Variants in SP1 observed in about 807,000 individuals in gnomAD.
The protein encoded by SP1 is Sp1 transcription factor, also known as transcription factor Sp1.
A neutral mutation model predicts 66.3 loss-of-function variants in SP1; 6 were observed. The ratio of observed to expected loss-of-function variants is 0.09; its 90% CI spans 0.05 to 0.18. The LOEUF is 0.18. Ranked by LOEUF, SP1 falls within the 10% of genes least tolerant of loss-of-function variation. The pLI is 1.00. For synonymous variants in SP1, 417 were observed against 360.8 expected (o/e 1.16, Z -1.77); for missense variants, 848 against 964.5 (o/e 0.88, Z 1.60).
intron 3 of SP1, among the ~76,000 whole-genome samples, chr12:53,392,281 A>G (rs1345089485): frequency 6.7e-6 from 1 of 150,214 alleles, no homozygotes; most frequent in African/African-American, 2.5e-5. Flanking sequence ...CCCAAGTTCA[A>G]GTGATTCTCC....
intron 1 of SP1, 137 bp from the exon 2 acceptor site, chr12:53,381,522 C>T (rs1347043464): frequency 4.2e-6 from 3 of 718,890 alleles, no homozygotes; most frequent in Admixed American, 3.2e-5. Context: ...CCTCTGCCCT[C>T]CAATCCATTT....
At chr12:53,399,007 C>G (rs923250385) in intron 3 of SP1, among the ~76,000 whole-genome samples, 1 of 152,176 alleles carries the variant, frequency 6.6e-6, no homozygotes, top group African/African-American at 2.4e-5. Flanking sequence ...TATGATCATA[C>G]TATCCACAGT....
At chr12:53,402,412 A>AG (rs1447379051) in intron 3 of SP1, among the ~76,000 whole-genome samples, 1 of 151,524 alleles carries the variant, frequency 6.6e-6, no homozygotes, top group East Asian at 2.0e-4. Flanking sequence ...TTAGTAGAGA[A>AG]GGGGTTTCAC....
At position 53,380,264 on chromosome 12, in the gene SP1, C is replaced by A; in HGVS notation, c.-28C>A. 6.3e-7 allele frequency: 1 copy of A among 1,586,654 alleles called. No individual in the cohort carries two copies. The highest frequency in any genetic ancestry group is 8.6e-7 in the Non-Finnish European group (1 of 1,158,126). ...CCCCCCAACCCCCCCGGACAGGACC[C>A]CCTTGAGCTTGTCCCTCAGCTGCCA... On this transcript the variant is annotated 5_prime_UTR_variant, in exon 1 of 6. Transcript: ENST00000327443.
chr12:53,394,550 C>T (rs1203354381), intron 3 of SP1, among the ~76,000 whole-genome samples: 5 of 144,066 alleles, frequency 3.5e-5, no homozygotes, highest in Admixed American at 2.1e-4. Context: ...TTACGGATAT[C>T]GGCCACTGTG....
chr12:53,384,080 C>A (rs528422814), intron 3 of SP1, among the ~76,000 whole-genome samples: 1 of 146,716 alleles, frequency 6.8e-6, no homozygotes, highest in Non-Finnish European at 1.5e-5. Context: ...CGCCATTCTC[C>A]TGCCTCAGCC....
intron 3 of SP1, among the ~76,000 whole-genome samples, chr12:53,402,943 A>G (rs1938640735): frequency 6.6e-6 from 1 of 151,468 alleles, no homozygotes; most frequent in Admixed American, 6.6e-5. Context: ...ACTGCACTCC[A>G]GCCTGGGCGA....
At chr12:53,386,532 G>C (rs1238607426) in intron 3 of SP1, among the ~76,000 whole-genome samples, 1 of 115,508 alleles carries the variant, frequency 8.7e-6, no homozygotes, top group African/African-American at 5.3e-5. Flanking sequence ...CTGTTGCCCA[G>C]GCTGTAGTGA....
intron 3 of SP1, among the ~76,000 whole-genome samples, chr12:53,399,420 G>T (rs1053795814): frequency 1.3e-5 from 2 of 149,344 alleles, no homozygotes; most frequent in Non-Finnish European, 3.0e-5. Context: ...TGCAAGCTCC[G>T]CCTCGCGAGT....
Position 53,385,101 on chromosome 12 carries a change from C to T in SP1, c.1675+1479C>T, listed in dbSNP as rs556728675. On this transcript the variant is annotated intron_variant, in intron 3 of 5. Transcript: ENST00000327443. ...CCTGAGGTCAGGAGTTCAAGACCAG[C>T]GTGGCCAGCATGGCGAAACCCCTTC... 2.4e-3 allele frequency among the ~76,000 whole-genome samples: 351 copies of T among 148,728 alleles called. 1 individual carries two copies. Among genetic ancestry groups the T allele is most frequent in the African/African-American group, 8.4e-3 (336 of 40,234 alleles).
rs1183681413 is a variant in SP1, at chr12:53,388,530, G to C, written c.1675+4908G>C. Among the ~76,000 whole-genome samples the C allele has an allele frequency of 3.9e-5, 6 of 152,252 alleles. No homozygotes were observed. The East Asian group carries it at 1.2e-3, about 29-fold the overall frequency. ...GTTGAGATTGTTTGCTTCATTAATA[G>C]GGGTTTTTGAAGATCCAAGTTTTCT... On this transcript the variant is annotated intron_variant, in intron 3 of 5. Transcript: ENST00000327443.
intron 3 of SP1, among the ~76,000 whole-genome samples, chr12:53,403,579 T>TA: frequency 6.6e-6 from 1 of 151,168 alleles, no homozygotes; most frequent in Non-Finnish European, 1.5e-5. Context: ...GATCTCAAAC[T>TA]CCTGGGCTCA....
intron 3 of SP1, among the ~76,000 whole-genome samples, chr12:53,397,850 G>C (rs1258790687): frequency 6.6e-6 from 1 of 151,990 alleles, no homozygotes; most frequent in Non-Finnish European, 1.5e-5. Context: ...CACTGCGCCC[G>C]ACCGTAGATA....
intron 3 of SP1, among the ~76,000 whole-genome samples, chr12:53,389,764 T>C (rs541000280): frequency 6.6e-6 from 1 of 152,304 alleles, no homozygotes; most frequent in Non-Finnish European, 1.5e-5. Flanking sequence ...CCTGAAACTC[T>C]TGCCGCAGGT....
intron 3 of SP1, among the ~76,000 whole-genome samples, chr12:53,396,889 A>T (rs745750478): frequency 6.6e-6 from 1 of 152,106 alleles, no homozygotes; most frequent in Non-Finnish European, 1.5e-5. Context: ...TTTGTCTCCC[A>T]GAGTGCTGGG....
At chr12:53,402,240 T>A (rs866511082) in intron 3 of SP1, among the ~76,000 whole-genome samples, 22 of 144,146 alleles carry the variant, frequency 1.5e-4, no homozygotes, top group African/African-American at 5.4e-4. Flanking sequence ...TTTTTTTTTT[T>A]AAGACGGAGT....
Position 53,382,800 on chromosome 12 carries a change from A to T in SP1, c.853A>T (p.Thr285Ser), listed in dbSNP as rs568225124. The change falls in exon 3 of 6, where the codon ACG (threonine) becomes TCG (serine). Residue 285 changes from threonine (T) to serine (S), a missense_variant. Physicochemically the swap from Thr to Ser is moderately conservative, Grantham distance 58 (BLOSUM62 1). Around this residue, in one of 7 missense-constraint regions of SP1, gnomAD observed 606 missense variants for 589.9 expected, o/e 1.03. Transcript: ENST00000327443. Reference sequence around the variant, plus strand: ...CTTGACTCCCAGCTCTCAGGCAGTCACGATCAGCAGCTCTGGGTCCCAGGA... The same window carrying T: ...CTTGACTCCCAGCTCTCAGGCAGTCTCGATCAGCAGCTCTGGGTCCCAGGA... ...ATLTPSSQAV[T>S]ISSSGSQESG... 2 of 1,614,180 alleles carry T rather than the reference A, an allele frequency of 1.2e-6. No homozygotes were observed. The highest frequency in any genetic ancestry group is 2.7e-5 in the African/African-American group (2 of 75,040).
Position 53,393,269 on chromosome 12 carries a change from T to G in SP1, c.1675+9647T>G, listed in dbSNP as rs543742451. On this transcript the variant is annotated intron_variant, in intron 3 of 5. Transcript: ENST00000327443. ...TTCGAAACCAACCTGGGCAACATAG[T>G]GAAACCCCCATCTCTTTTTTCTTTC... is the stretch of plus-strand genomic sequence containing the variant. Among the ~76,000 whole-genome samples, 4 of 152,258 alleles carry G rather than the reference T, an allele frequency of 2.6e-5. No homozygotes were observed. The South Asian group carries it at 8.3e-4, about 32-fold the overall frequency.
chr12:53,387,041 T>C (rs1183973763), intron 3 of SP1, among the ~76,000 whole-genome samples: 2 of 150,414 alleles, frequency 1.3e-5, no homozygotes, highest in African/African-American at 4.9e-5. Flanking sequence ...ACCTCTGCCT[T>C]CCGGGTTCAA....
Sources: allele counts gnomAD v4.1 joint callset (sites outside exome capture counted in the v4.1 genomes callset), GRCh38; gene constraint gnomAD v4.1.1; regional missense constraint gnomAD v4.1.1; transcripts MANE v1.5; gene names NCBI Gene and HGNC (gene_info 2026-07-23, HGNC 2026-07-21).